Variants in SAMSN1 observed in about 807,000 individuals in gnomAD.
SAMSN1 encodes SAM domain, SH3 domain and nuclear localization signals 1, also known as SAM domain-containing protein SAMSN-1.
In SAMSN1, 31 loss-of-function variants were observed where a neutral mutation model predicts 42.0. The observed-to-expected ratio is 0.74, with a 90% CI of 0.55 to 1.00. The LOEUF is 1.00. SAMSN1 is among the 50% of genes least tolerant of loss of function. The probability of loss-of-function intolerance (pLI) is 0.00; values close to 1 mark genes in which losing one functional copy is unlikely to be tolerated. For synonymous variants in SAMSN1, 178 were observed against 151.9 expected, an observed-to-expected ratio of 1.17 and a Z score of -1.26; for missense variants, 464 against 439.4, an observed-to-expected ratio of 1.06 and a Z score of -0.50.
intron 2 of SAMSN1, among the ~76,000 whole-genome samples, chr21:14,569,454 G>A (rs1981222372): frequency 6.6e-6 from 1 of 152,024 alleles, no homozygotes; most frequent in Non-Finnish European, 1.5e-5. Flanking sequence ...CCTTAGATGT[G>A]TACAAAAAAA....
At chr21:14,500,410 G>C (rs1235327021) in intron 6 of SAMSN1, 119 bp downstream of exon 6, 2 of 783,856 alleles carry the variant, frequency 2.6e-6, no homozygotes, top group South Asian at 3.5e-5. Flanking sequence ...TAGGAAAACA[G>C]GTTTTCCTTT....
chr21:14,609,333 A>G, intron 5 of SAMSN1: 1 of 599,410 alleles, frequency 1.7e-6, no homozygotes, highest in South Asian at 2.1e-5. Context: ...ATAATAATGC[A>G]TATTCTATTC....
chr21:14,594,111 A>G, intron 6 of SAMSN1: 1 of 667,274 alleles, frequency 1.5e-6, no homozygotes, highest in South Asian at 1.7e-5. Context: ...AGAGACAACT[A>G]ATGTTAACAT....
At chr21:14,554,517 C>T (rs2063182206) in intron 2 of SAMSN1, among the ~76,000 whole-genome samples, 1 of 151,750 alleles carries the variant, frequency 6.6e-6, no homozygotes. Context: ...TTTATTCTGA[C>T]TTCTTCTGTT....
At chr21:14,499,209 T>A (rs1987035707) in intron 6 of SAMSN1, among the ~76,000 whole-genome samples, 1 of 152,192 alleles carries the variant, frequency 6.6e-6, no homozygotes, top group African/African-American at 2.4e-5. Flanking sequence ...GGGAAAGAAT[T>A]GTTTTCTCAG....
At chr21:14,493,574 AACACACAC>A (rs201460166) in intron 7 of SAMSN1, among the ~76,000 whole-genome samples, 163 of 102,310 alleles carry the variant, frequency 1.6e-3, no homozygotes, top group African/African-American at 4.4e-3. Context: ...TTTATGGAAC[AACACACAC>A]ACACACACAC....
rs140177153 is a variant in SAMSN1 at position 14,634,860 on chromosome 21, C to G, written c.156+8142G>C. Among the ~76,000 whole-genome samples, 526 of 152,290 alleles carry G rather than the reference C, an allele frequency of 3.5e-3. 2 individuals carry two copies. Among genetic ancestry groups the G allele is most frequent in the African/African-American group, 0.011 (457 of 41,552 alleles). Reference sequence around the variant, plus strand: ...TATACCCAAAGGAATATAAATCATTCTGTTATAAAGATACATGGACACTTA... The same window carrying G: ...TATACCCAAAGGAATATAAATCATTGTGTTATAAAGATACATGGACACTTA... On this transcript the variant is annotated intron_variant, in intron 2 of 15. Transcript: ENST00000647101.
intron 1 of SAMSN1, among the ~76,000 whole-genome samples, chr21:14,649,772 A>AACACACACACACACAC (rs60905314): frequency 7.4e-6 from 1 of 135,646 alleles, no homozygotes; most frequent in Non-Finnish European, 1.6e-5. Flanking sequence ...ACTGTCTCAA[A>AACACACACACACACAC]ACACACACAC....
chr21:14,502,565 T>G (rs1987213008), intron 5 of SAMSN1, among the ~76,000 whole-genome samples: 1 of 152,152 alleles, frequency 6.6e-6, no homozygotes, highest in Admixed American at 6.6e-5. Context: ...CTGTAAGAGC[T>G]CCACAAAAAC....
At chr21:14,572,794 T>A (rs904907479) in intron 2 of SAMSN1, among the ~76,000 whole-genome samples, 1 of 152,176 alleles carries the variant, frequency 6.6e-6, no homozygotes, top group African/African-American at 2.4e-5. Context: ...TCTCCATTTT[T>A]ATAGATGAGA....
chr21:14,572,924 G>A (rs1020949794), intron 2 of SAMSN1, among the ~76,000 whole-genome samples: 11 of 152,046 alleles, frequency 7.2e-5, no homozygotes, highest in Non-Finnish European at 1.2e-4. Context: ...TGCATAAATC[G>A]GTTATCCTCT....
chr21:14,622,892 G>A (rs966533891), intron 2 of SAMSN1, among the ~76,000 whole-genome samples: 1 of 152,172 alleles, frequency 6.6e-6, no homozygotes, highest in African/African-American at 2.4e-5. Context: ...TACCCACAAA[G>A]GGAAGCCCAT....
intron 5 of SAMSN1, among the ~76,000 whole-genome samples, chr21:14,502,603 C>T (rs1449712836): frequency 9.9e-5 from 15 of 152,088 alleles, no homozygotes; most frequent in South Asian, 2.1e-4. Flanking sequence ...AGCAGTGGTC[C>T]CTTGGCACGG....
rs560036678 is a variant in SAMSN1, at chr21:14,612,389, A to C, written c.235+487T>G. The C allele has an allele frequency of 4.4e-4, 79 of 180,650 alleles. 1 individual carries two copies. Among genetic ancestry groups the C allele is most frequent in the Admixed American group, 2.3e-4 (4 of 17,230 alleles). The allele number at this position is 180,650 out of a possible 1,614,324, so 11.2% of individuals were successfully genotyped here. The stretch of plus-strand genomic sequence containing the variant: ...ATGAATAGAAATCGATTTTTACTTT[A>C]GAATTAAGGTACAAACCAAACTGAT... On this transcript the variant is annotated intron_variant, in intron 4 of 15. Transcript: ENST00000647101.
At position 14,517,002 on chromosome 21, in the gene SAMSN1, T is replaced by A. The variant is rs761719274; in HGVS notation, c.169A>T (p.Ser57Cys). Reference protein sequence around the residue: ...GDPTNGSGEQSKTSNNGGGLG... With the variant: ...GDPTNGSGEQCKTSNNGGGLG... ...CCGCCTCCATTATTTGAAGTTTTAC[T>A]TTGTTCTCCACTTCCATTTGTGGGA... The change falls in exon 3 of 8, where the codon AGT (serine) becomes TGT (cysteine). Residue 57 changes from serine to cysteine, a missense_variant. Transcript: ENST00000400566. 6 of 1,613,586 alleles carry A rather than the reference T, an allele frequency of 3.7e-6. No homozygotes were observed. Among genetic ancestry groups the A allele is most frequent in the Non-Finnish European group, 3.4e-6 (4 of 1,179,730 alleles).
At chr21:14,622,408 A>T (rs990759114) in intron 2 of SAMSN1, among the ~76,000 whole-genome samples, 1 of 152,246 alleles carries the variant, frequency 6.6e-6, no homozygotes, top group African/African-American at 2.4e-5. Flanking sequence ...TAGAATAACC[A>T]GTGTAGAGAA....
At chr21:14,594,352 TC>T (rs1208831949) in intron 6 of SAMSN1, among the ~76,000 whole-genome samples, 1 of 152,148 alleles carries the variant, frequency 6.6e-6, no homozygotes, top group Non-Finnish European at 1.5e-5. Flanking sequence ...TGTGTATGTG[TC>T]TATGTGTATT....
At chr21:14,547,323 G>T (rs1313523259), upstream of SAMSN1, among the ~76,000 whole-genome samples, 1 of 152,002 alleles carries the variant, frequency 6.6e-6, no homozygotes, top group Non-Finnish European at 1.5e-5. Flanking sequence ...ATGGATCAAC[G>T]GTTTCTTCAA....
chr21:14,549,746 A>G (rs1053398243), upstream of SAMSN1, among the ~76,000 whole-genome samples: 5 of 152,244 alleles, frequency 3.3e-5, no homozygotes, highest in Admixed American at 6.6e-5. Context: ...CTCATCTATG[A>G]TTAAGAAAAG....
Sources: allele counts gnomAD v4.1 joint callset (sites outside exome capture counted in the v4.1 genomes callset), GRCh38; gene constraint gnomAD v4.1.1; transcripts MANE v1.5; gene names NCBI Gene and HGNC (gene_info 2026-07-23, HGNC 2026-07-21).